The following TNRC6A variants were observed in gnomAD, a reference collection of about 807,000 sequenced individuals.
The protein encoded by TNRC6A is trinucleotide repeat containing adaptor 6A.
In TNRC6A, 44 loss-of-function variants were observed where a neutral mutation model predicts 221.2. The ratio of observed to expected loss-of-function variants is 0.20; its 90% CI spans 0.16 to 0.26. The LOEUF (loss-of-function observed/expected upper bound fraction) is 0.26. TNRC6A is among the 10% of genes least tolerant of loss of function. TNRC6A has a pLI of 1.00. For missense variants in TNRC6A, 2,199 were observed against 2,404.4 expected (o/e 0.91, Z 1.79); for synonymous variants, 847 against 838.5 (o/e 1.01, Z -0.18).
intron 3 of TNRC6A, 25 bp downstream of exon 3, chr16:24,750,838 A>C: frequency 1.4e-6 from 2 of 1,463,466 alleles, no homozygotes; most frequent in Non-Finnish European, 1.8e-6. Flanking sequence ...AACTATTTAT[A>C]TTAAGCAGTT....
At chr16:24,611,760 T>C (rs1341057207) in intron 1 of TNRC6A, among the ~76,000 whole-genome samples, 1 of 152,110 alleles carries the variant, frequency 6.6e-6, no homozygotes, top group African/African-American at 2.4e-5. Context: ...ATATTACATA[T>C]ATTAGTTGAA....
chr16:24,822,007 TCTG>T, intron 22 of TNRC6A, 67 bp from the exon 23 acceptor site: 1 of 1,434,326 alleles, frequency 7.0e-7, no homozygotes, highest in Non-Finnish European at 9.8e-7. Context: ...GGCCAGGTGA[TCTG>T]CTAAGTAACT....
In TNRC6A at chr16:24,709,501, G is replaced by A. The variant is rs79869446; in HGVS notation, n.403-41225G>A. 4.1e-3 allele frequency among the ~76,000 whole-genome samples: 631 copies of A among 152,184 alleles called. 7 individuals are homozygous for A. Among genetic ancestry groups the A allele is most frequent in the African/African-American group, 0.015 (610 of 41,522 alleles). On this transcript the variant is annotated intron_variant and non_coding_transcript_variant, in intron 2 of 2. Coordinates refer to the TNRC6A transcript ENST00000566108. ...ATTTTAAAATGTTCATTGAGTTTCA[G>A]GTCAAGGCTAAGTGAGGAAAAATAA...
chr16:24,809,805 G>A (rs1053177189), intron 18 of TNRC6A, among the ~76,000 whole-genome samples: 4 of 151,940 alleles, frequency 2.6e-5, no homozygotes, highest in Middle Eastern at 3.2e-3. Context: ...GATTTAATTT[G>A]ATATGTTCTT....
At chr16:24,722,483 TG>T (rs1248663999) in intron 2 of TNRC6A, among the ~76,000 whole-genome samples, 1 of 152,052 alleles carries the variant, frequency 6.6e-6, no homozygotes, top group Non-Finnish European at 1.5e-5. Context: ...TCGCCCAGGC[TG>T]GAGTGCAGTG....
chr16:24,785,276 A>G (rs1292054899), intron 5 of TNRC6A, among the ~76,000 whole-genome samples: 2 of 152,200 alleles, frequency 1.3e-5, no homozygotes, highest in Non-Finnish European at 2.9e-5. Context: ...GAATTTTTAA[A>G]TCACTTGTAA....
chr16:24,719,646 G>A (rs1274568042), intron 2 of TNRC6A, among the ~76,000 whole-genome samples: 1 of 151,840 alleles, frequency 6.6e-6, no homozygotes, highest in Admixed American at 6.6e-5. Flanking sequence ...GTGACAGAAT[G>A]AGACCCTATC....
chr16:24,728,810 T>C (rs1201637316), upstream of TNRC6A, among the ~76,000 whole-genome samples: 1 of 152,242 alleles, frequency 6.6e-6, no homozygotes, highest in Non-Finnish European at 1.5e-5. Flanking sequence ...TGTATGTATC[T>C]TACTGTGTCT....
At chr16:24,633,727 A>G (rs971633331) in intron 1 of TNRC6A, among the ~76,000 whole-genome samples, 1 of 149,950 alleles carries the variant, frequency 6.7e-6, no homozygotes, top group African/African-American at 2.5e-5. Context: ...CTGTGCCTCC[A>G]CACACACACA....
rs1211121020 is a variant in TNRC6A, at chr16:24,729,667, C to T, written c.-175C>T. The T allele has an allele frequency of 1.5e-6, 1 of 669,994 alleles. No homozygotes were observed. The highest frequency in any genetic ancestry group is 4.8e-5 in the South Asian group (1 of 20,620). The allele number at this position is 669,994 out of a possible 1,614,324, so 41.5% of individuals were successfully genotyped here. The stretch of plus-strand genomic sequence containing the variant: ...GGGGCATTCACTTCCGGTCTGGGGC[C>T]TGCGGCGGCGGCGGTGTCGGCGGCG... On this transcript the variant is annotated 5_prime_UTR_variant, in exon 1 of 25. Transcript: ENST00000395799.
At chr16:24,822,235 T>G in intron 23 of TNRC6A, 88 bp downstream of exon 23, 2 of 1,314,978 alleles carry the variant, frequency 1.5e-6, no homozygotes, top group Admixed American at 3.6e-5. Context: ...CAAGGGCTGC[T>G]AGGTGGTAGT....
chr16:24,717,719 TCA>T (rs2056338207), intron 2 of TNRC6A, among the ~76,000 whole-genome samples: 1 of 151,754 alleles, frequency 6.6e-6, no homozygotes, highest in Non-Finnish European at 1.5e-5. Flanking sequence ...ATGCTTGTTG[TCA>T]CGTCATTTAA....
intron 2 of TNRC6A, chr16:24,664,795 A>C (rs1479166767): frequency 2.4e-6 from 1 of 420,038 alleles, no homozygotes; most frequent in Admixed American, 2.5e-5. Context: ...ACACACACAC[A>C]CACACACACA....
At chr16:24,738,110 T>G (rs2056811035) in intron 2 of TNRC6A, among the ~76,000 whole-genome samples, 1 of 152,208 alleles carries the variant, frequency 6.6e-6, no homozygotes, top group Non-Finnish European at 1.5e-5. Context: ...CAGTCACTAT[T>G]TCTTAGAAAC....
chr16:24,801,599 C>T (rs1596766110), intron 11 of TNRC6A, among the ~76,000 whole-genome samples: 1 of 146,224 alleles, frequency 6.8e-6, no homozygotes, highest in Non-Finnish European at 1.5e-5. Context: ...AATCTCGGCT[C>T]ACTGCAACCT....
intron 4 of TNRC6A, among the ~76,000 whole-genome samples, chr16:24,771,591 T>TGTG (rs2057609129): frequency 1.3e-5 from 2 of 149,644 alleles, no homozygotes; most frequent in African/African-American, 4.9e-5. Context: ...GTTGTTATGT[T>TGTG]ATGTTATGTT....
In TNRC6A at chr16:24,673,422, C is replaced by T. The variant is rs564642707; in HGVS notation, n.402+32413C>T. Among the ~76,000 whole-genome samples the T allele has an allele frequency of 1.1e-4, 16 of 152,250 alleles. No individual in the cohort carries two copies. The South Asian group carries it at 2.1e-3, about 20-fold the overall frequency. ...CTTCCCAGAGACAGGGCTTCGCTCA[C>T]CGAGGGATGCCTGTAGGTCCACTTT... On this transcript the variant is annotated intron_variant and non_coding_transcript_variant, in intron 2 of 2. Transcript: ENST00000566108.
intron 4 of TNRC6A, among the ~76,000 whole-genome samples, chr16:24,771,053 C>G (rs1028312077): frequency 7.2e-5 from 11 of 152,320 alleles, no homozygotes; most frequent in African/African-American, 2.6e-4. Context: ...ATCCACCTAC[C>G]TTCTGTTAAG....
At chr16:24,737,095 C>T (rs2056786686) in intron 2 of TNRC6A, among the ~76,000 whole-genome samples, 1 of 152,114 alleles carries the variant, frequency 6.6e-6, no homozygotes, top group African/African-American at 2.4e-5. Flanking sequence ...CCCGATGCCA[C>T]AGAGGGACCA....
Sources: gnomAD v4.1 joint callset for allele counts (sites outside exome capture counted in the v4.1 genomes callset) on GRCh38, gnomAD v4.1.1 for gene constraint, MANE v1.5 for transcripts, NCBI Gene and HGNC (gene_info 2026-07-23, HGNC 2026-07-21) for gene names.